Variants in SGK1 observed in about 807,000 individuals in gnomAD.
The protein encoded by SGK1 is serum/glucocorticoid regulated kinase 1.
Under a neutral mutation model 64.2 loss-of-function variants are expected in SGK1, and 26 were observed. The observed-to-expected ratio is 0.40, with a 90% confidence interval of 0.30 to 0.56. The LOEUF is 0.56. Ranked by LOEUF, SGK1 falls within the 20% of genes least tolerant of loss-of-function variation. SGK1 has a pLI of 0.38. For missense variants in SGK1, 519 were observed against 645.6 expected, an observed-to-expected ratio of 0.80 and a Z score of 2.12; for synonymous variants, 265 against 239.7, an observed-to-expected ratio of 1.11 and a Z score of -0.98.
intron 1 of SGK1, among the ~76,000 whole-genome samples, chr6:134,264,586 G>T (rs1206134247): frequency 6.6e-6 from 1 of 152,118 alleles, no homozygotes; most frequent in Non-Finnish European, 1.5e-5. Flanking sequence ...AAAGGACAAA[G>T]AAGTAAAATC....
intron 3 of SGK1, among the ~76,000 whole-genome samples, chr6:134,182,700 G>T (rs1318692007): frequency 6.6e-6 from 1 of 152,186 alleles, no homozygotes; most frequent in Non-Finnish European, 1.5e-5. Flanking sequence ...CACTTGCACA[G>T]CATGGGCCAC....
At chr6:134,262,578 G>A (rs949884034) in intron 1 of SGK1, among the ~76,000 whole-genome samples, 1 of 151,622 alleles carries the variant, frequency 6.6e-6, no homozygotes, top group Non-Finnish European at 1.5e-5. Flanking sequence ...CAGGCCTGGT[G>A]GTACACGCCT....
chr6:134,301,367 A>G (rs867155039), intron 1 of SGK1, among the ~76,000 whole-genome samples: 1 of 152,114 alleles, frequency 6.6e-6, no homozygotes, highest in South Asian at 2.1e-4. Context: ...AGCCATCCCC[A>G]CATTATTGGT....
At chr6:134,212,354 T>C (rs1775906726) in intron 2 of SGK1, among the ~76,000 whole-genome samples, 1 of 152,144 alleles carries the variant, frequency 6.6e-6, no homozygotes, top group African/African-American at 2.4e-5. Context: ...CGCCCGGTGA[T>C]TCCTGTTTTT....
rs866028521 is a variant in SGK1, at chr6:134,306,913, G to A, written c.69+10479C>T. Reference sequence around the variant, plus strand: ...TGATGAGAATACAAAGAAATAAAAGGGGGGGGGGGCGGAATTTCAACACTA... The same window carrying A: ...TGATGAGAATACAAAGAAATAAAAGAGGGGGGGGGCGGAATTTCAACACTA... On this transcript the variant is annotated intron_variant, in intron 1 of 13. Transcript: ENST00000367858. 4.3e-4 allele frequency among the ~76,000 whole-genome samples: 58 copies of A among 135,318 alleles called. 2 individuals carry two copies. The highest frequency in any genetic ancestry group is 6.7e-4 in the Non-Finnish European group (43 of 63,740). The allele number at this position is 135,318 out of a possible 152,430, so 88.8% of individuals were successfully genotyped here.
At chr6:134,187,306 C>A (rs964141473) in intron 3 of SGK1, among the ~76,000 whole-genome samples, 23 of 152,266 alleles carry the variant, frequency 1.5e-4, no homozygotes, top group African/African-American at 5.5e-4. Flanking sequence ...TCCGGAAGCA[C>A]TCCTCCCTCT....
At chr6:134,294,317 C>G (rs1411965526) in intron 1 of SGK1, among the ~76,000 whole-genome samples, 1 of 152,072 alleles carries the variant, frequency 6.6e-6, no homozygotes, top group Non-Finnish European at 1.5e-5. Flanking sequence ...TGTTGAGCAA[C>G]CATCACCGCT....
At position 134,172,669 on chromosome 6, in the gene SGK1, C is replaced by G. The variant is rs34133418; in HGVS notation, c.940G>C (p.Val314Leu). 1 of 1,605,200 alleles carries G rather than the reference C, an allele frequency of 6.2e-7. No homozygotes were observed. Among genetic ancestry groups the G allele is most frequent in the Non-Finnish European group, 8.5e-7 (1 of 1,171,832 alleles). The change falls in exon 9 of 14, where the codon GTT becomes CTT. Residue 314 changes from valine (V) to leucine (L), a missense_variant. By Grantham distance (32) the Val-to-Leu change is conservative (BLOSUM62 1). This residue lies in a region of SGK1 where 278 missense variants were observed against 408.7 expected (regional missense o/e 0.68). Coordinates refer to ENST00000367858, the MANE Select transcript of SGK1 (RefSeq NM_001143676.3). ...ALGYLHSLNI[V>L]YRDLKPENIL... Reference sequence around the variant, plus strand: ...AAGAGCTCTCAGGCTTACCTATAAACGATGTTCAGTGAATGCAGGTAGCCC... The same window carrying G: ...AAGAGCTCTCAGGCTTACCTATAAAGGATGTTCAGTGAATGCAGGTAGCCC...
At chr6:134,307,797 C>T (rs1430747030) in intron 1 of SGK1, among the ~76,000 whole-genome samples, 1 of 152,192 alleles carries the variant, frequency 6.6e-6, no homozygotes, top group Admixed American at 6.6e-5. Flanking sequence ...CCAAGATTTT[C>T]TTTAAATTCT....
chr6:134,247,313 C>T (rs1776539485), intron 2 of SGK1, among the ~76,000 whole-genome samples: 1 of 152,148 alleles, frequency 6.6e-6, no homozygotes, highest in Non-Finnish European at 1.5e-5. Context: ...AACTGTGAAG[C>T]CTGGATTTCC....
At position 134,228,218 on chromosome 6, in the gene SGK1, G is replaced by A. The variant is rs371963943; in HGVS notation, c.286-20787C>T. Among the ~76,000 whole-genome samples the A allele has an allele frequency of 3.9e-5, 6 of 152,232 alleles. No individual in the cohort carries two copies. In the South Asian group the frequency reaches 1.2e-3, roughly 32 times the overall value. On this transcript the variant is annotated intron_variant, in intron 2 of 13. Coordinates refer to ENST00000367858, the MANE Select transcript of SGK1 (RefSeq NM_001143676.3). ...GATCCACCCGCCTCGGCCTCCCAAA[G>A]TGCTGGGATTACTGGCATAAGCCAC...
At chr6:134,185,601 G>A (rs1457241586) in intron 3 of SGK1, among the ~76,000 whole-genome samples, 1 of 124,744 alleles carries the variant, frequency 8.0e-6, no homozygotes, top group Non-Finnish European at 1.9e-5. Flanking sequence ...TTAGTTTTCT[G>A]GAGAGACAAA....
intron 1 of SGK1, among the ~76,000 whole-genome samples, chr6:134,310,738 C>A (rs1342196385): frequency 6.6e-6 from 1 of 152,136 alleles, no homozygotes; most frequent in Non-Finnish European, 1.5e-5. Context: ...CAGGTGCCCA[C>A]CACCACTCCC....
intron 3 of SGK1, among the ~76,000 whole-genome samples, chr6:134,190,919 T>A (rs1421591313): frequency 6.6e-6 from 1 of 152,230 alleles, no homozygotes; most frequent in Non-Finnish European, 1.5e-5. Flanking sequence ...AACATGATAC[T>A]ACTGAATCTG....
At chr6:134,275,011 C>G (rs900450210) in intron 1 of SGK1, among the ~76,000 whole-genome samples, 1 of 152,026 alleles carries the variant, frequency 6.6e-6, no homozygotes, top group African/African-American at 2.4e-5. Context: ...ACCGTGTTGA[C>G]CAAGTTAGTC....
At chr6:134,222,734 CTT>C (rs1776109993) in intron 2 of SGK1, among the ~76,000 whole-genome samples, 1 of 151,982 alleles carries the variant, frequency 6.6e-6, no homozygotes, top group Non-Finnish European at 1.5e-5. Context: ...CTTCAAAACT[CTT>C]TTCAAATATT....
intron 2 of SGK1, among the ~76,000 whole-genome samples, chr6:134,254,451 T>C (rs1034350924): frequency 2.2e-5 from 3 of 137,358 alleles, no homozygotes; most frequent in African/African-American, 7.4e-5. Context: ...TGATGCTGCC[T>C]GGCTTCCTAT....
chr6:134,171,068 G>A lies in SGK1; in HGVS notation c.1278C>T (p.Leu426=), dbSNP rs1462852421. 6.2e-7 allele frequency: 1 copy of A among 1,614,184 alleles called. No homozygotes were observed. The highest frequency in any genetic ancestry group is 1.1e-5 in the South Asian group (1 of 91,088). The change falls in exon 12 of 14, where the codon CTC becomes CTT. Residue 426 remains leucine, a synonymous_variant. Transcript: ENST00000367858. ...GCCGCTTTGTCCTGTCCTTCTGCAG[G>A]AGGCCCTCCAGGAGGTGTCTTGCGG... ...TNSARHLLEG[L]LQKDRTKRLG...
At chr6:134,283,275 G>C (rs1198289721) in intron 1 of SGK1, 1 of 151,888 alleles carries the variant, frequency 6.6e-6, no homozygotes, top group East Asian at 1.9e-4. Context: ...TAGATCACTT[G>C]AGGTCAGGAG....
Sources: gnomAD v4.1 joint callset for allele counts (sites outside exome capture counted in the v4.1 genomes callset) on GRCh38, gnomAD v4.1.1 for gene constraint, gnomAD v4.1.1 regional missense constraint, MANE v1.5 for transcripts, NCBI Gene and HGNC (gene_info 2026-07-23, HGNC 2026-07-21) for gene names.